Variants in FSTL4 observed in about 807,000 individuals in gnomAD.
The protein encoded by FSTL4 is follistatin-related protein 4.
In FSTL4, 28 loss-of-function variants were observed where a neutral mutation model predicts 78.2. That is an observed-to-expected ratio of 0.36 (90% confidence interval 0.27 to 0.49). The LOEUF (loss-of-function observed/expected upper bound fraction) is 0.49, where lower values mean the gene tolerates loss of function less well. Among genes scored for constraint, FSTL4 ranks in the 20% least tolerant of loss-of-function variants. The probability of loss-of-function intolerance (pLI) is 0.98; values close to 1 mark genes in which losing one functional copy is unlikely to be tolerated. For missense variants in FSTL4, 922 were observed against 1,084.9 expected, an observed-to-expected ratio of 0.85 and a Z score of 2.11; for synonymous variants, 422 against 440.5, an observed-to-expected ratio of 0.96 and a Z score of 0.53.
the FSTL4 span, among the ~76,000 whole-genome samples, chr5:133,672,283 C>T: frequency 5.9e-5 from 9 of 152,254 alleles, no homozygotes; most frequent in Admixed American, 1.3e-4. Flanking sequence ...TCAGTGGTGC[C>T]GTAGATAGTG....
chr5:133,515,900 T>A (rs1464995563), intron 3 of FSTL4, among the ~76,000 whole-genome samples: 2 of 152,166 alleles, frequency 1.3e-5, no homozygotes, highest in African/African-American at 4.8e-5. Context: ...ATTGAGTTTC[T>A]TAACTCATTT....
chr5:133,369,640 A>G (rs1755248914), intron 4 of FSTL4, among the ~76,000 whole-genome samples: 1 of 152,122 alleles, frequency 6.6e-6, no homozygotes, highest in African/African-American at 2.4e-5. Context: ...CTACTTTCTT[A>G]TTCTCCACAA....
At chr5:133,672,231 A>G in the FSTL4 span, among the ~76,000 whole-genome samples, 1 of 152,190 alleles carries the variant, frequency 6.6e-6, no homozygotes. Flanking sequence ...GACTATTATG[A>G]AATGTATTAT....
chr5:133,523,785 TTA>T (rs1759033229), intron 3 of FSTL4, among the ~76,000 whole-genome samples: 1 of 152,232 alleles, frequency 6.6e-6, no homozygotes, highest in Non-Finnish European at 1.5e-5. Flanking sequence ...TTATTATTTA[TTA>T]TGTTACCCAT....
At chr5:133,684,507 C>T in the FSTL4 span, among the ~76,000 whole-genome samples, 1 of 152,236 alleles carries the variant, frequency 6.6e-6, no homozygotes, top group Non-Finnish European at 1.5e-5. Context: ...CAGGCCACTT[C>T]TGCAACCAAG....
At chr5:133,564,827 T>G (rs1759992720) in intron 3 of FSTL4, among the ~76,000 whole-genome samples, 7 of 152,222 alleles carry the variant, frequency 4.6e-5, no homozygotes, top group Admixed American at 4.6e-4. Flanking sequence ...GCATTCACTT[T>G]GCCCCTACTG....
At chr5:133,716,160 C>G in the FSTL4 span, among the ~76,000 whole-genome samples, 1 of 152,136 alleles carries the variant, frequency 6.6e-6, no homozygotes, top group East Asian at 1.9e-4. Flanking sequence ...TAACACTTGA[C>G]TGAGTGTCTA....
In FSTL4 at chr5:133,537,014, C is replaced by T. The variant is rs185741854; in HGVS notation, c.160+30172G>A. ...AGTGGGGTGTCTGGTTCCTAGAGTACGGCATTTTCAGCTGTATTAAATAAA... is the reference window on the plus strand; with the variant it reads ...AGTGGGGTGTCTGGTTCCTAGAGTATGGCATTTTCAGCTGTATTAAATAAA... On this transcript the variant is annotated intron_variant, in intron 3 of 15. Transcript: ENST00000265342. Among the ~76,000 whole-genome samples the T allele has an allele frequency of 4.6e-3, 706 of 152,232 alleles. 6 individuals are homozygous for T. Among genetic ancestry groups the T allele is most frequent in the African/African-American group, 0.015 (634 of 41,520 alleles).
intron 3 of FSTL4, among the ~76,000 whole-genome samples, chr5:133,436,079 C>A (rs144976474): frequency 3.3e-4 from 50 of 152,178 alleles, no homozygotes; most frequent in African/African-American, 1.1e-3. Flanking sequence ...CAATGCTTAC[C>A]CTCTTCTGAG....
At chr5:133,320,078 T>A (rs1376747775) in intron 4 of FSTL4, among the ~76,000 whole-genome samples, 2 of 152,082 alleles carry the variant, frequency 1.3e-5, no homozygotes. Context: ...GCTCCCTGCC[T>A]TCACTCCCTG....
chr5:133,257,920 G>T (rs1050236781), intron 6 of FSTL4, among the ~76,000 whole-genome samples: 2 of 152,202 alleles, frequency 1.3e-5, no homozygotes, highest in Non-Finnish European at 2.9e-5. Flanking sequence ...TCTTAAGGGG[G>T]AAAAGAATGT....
At chr5:133,732,752 GA>G in the FSTL4 span, among the ~76,000 whole-genome samples, 1 of 135,540 alleles carries the variant, frequency 7.4e-6, no homozygotes, top group African/African-American at 3.9e-5. Context: ...GCAGTGAATT[GA>G]GAGCCCAGGC....
the FSTL4 span, among the ~76,000 whole-genome samples, chr5:133,813,925 A>G: frequency 6.6e-6 from 1 of 152,244 alleles, no homozygotes; most frequent in African/African-American, 2.4e-5. Context: ...ACTCCATTGC[A>G]AAGAGACAAT....
intron 3 of FSTL4, among the ~76,000 whole-genome samples, chr5:133,508,545 T>C (rs1758660023): frequency 6.6e-6 from 1 of 152,220 alleles, no homozygotes; most frequent in Admixed American, 6.5e-5. Flanking sequence ...AGGTTCAGTG[T>C]AATCGTACAG....
At chr5:133,255,543 A>T (rs1752361874) in intron 6 of FSTL4, among the ~76,000 whole-genome samples, 1 of 152,224 alleles carries the variant, frequency 6.6e-6, no homozygotes. Context: ...CGTGTCCCAC[A>T]GTGGGATTCT....
chr5:133,329,177 C>T lies in FSTL4; in HGVS notation c.410-12525G>A, dbSNP rs529544813. ...CGCACATGCAAGGAGTCTCTATAAACGGTCTCAACAAGGGCAGTGCTGTCC... is the reference window on the plus strand; with the variant it reads ...CGCACATGCAAGGAGTCTCTATAAATGGTCTCAACAAGGGCAGTGCTGTCC... On this transcript the variant is annotated intron_variant, in intron 4 of 15. Coordinates refer to ENST00000265342, the MANE Select transcript of FSTL4 (RefSeq NM_015082.2). 9.8e-5 allele frequency among the ~76,000 whole-genome samples: 15 copies of T among 152,288 alleles called. No individual in the cohort carries two copies. In the South Asian group the frequency reaches 1.2e-3, roughly 13 times the overall value.
the FSTL4 span, among the ~76,000 whole-genome samples, chr5:133,781,238 T>G: frequency 5.3e-3 from 801 of 152,162 alleles, 6 homozygotes; most frequent in African/African-American, 0.018. Flanking sequence ...CCAGCTGGGA[T>G]AGTAACAGGT....
Position 133,225,642 on chromosome 5 carries a change from C to T in FSTL4, c.1177+16G>A. 5 of 1,559,342 alleles carry T rather than the reference C, an allele frequency of 3.2e-6. No homozygotes were observed. The highest frequency in any genetic ancestry group is 4.3e-6 in the Non-Finnish European group (5 of 1,153,218). On this transcript the variant is annotated intron_variant, in intron 9 of 15. Coordinates refer to ENST00000265342, the MANE Select transcript of FSTL4 (RefSeq NM_015082.2). This position sits in a 1 kb window ranked among gnomAD's most constrained non-coding sequence, Gnocchi z 4.6. The stretch of plus-strand genomic sequence containing the variant: ...ATGGGAATATCGCATAGACGTCTAC[C>T]AAGGGCAGTTCTTACCTAAAAGGGA...
chr5:133,725,529 A>G, the FSTL4 span, among the ~76,000 whole-genome samples: 2 of 152,230 alleles, frequency 1.3e-5, no homozygotes, highest in Non-Finnish European at 2.9e-5. Flanking sequence ...GAGACAATCA[A>G]CCTTCAAAGT....
Sources: allele counts gnomAD v4.1 joint callset (sites outside exome capture counted in the v4.1 genomes callset), GRCh38; gene constraint gnomAD v4.1.1; non-coding constraint Gnocchi (gnomAD v3.1); transcripts MANE v1.5; gene names NCBI Gene and HGNC (gene_info 2026-07-23, HGNC 2026-07-21).